HERC4: variants seen among roughly 807,000 people sequenced by gnomAD.
HERC4 encodes the protein probable E3 ubiquitin-protein ligase HERC4.
HERC4 carries 28 observed loss-of-function variants against 124.3 expected under a neutral mutation model. The ratio of observed to expected loss-of-function variants is 0.23; its 90% CI spans 0.17 to 0.31. HERC4 has a LOEUF of 0.31. HERC4 is among the 10% of genes least tolerant of loss of function. The probability of loss-of-function intolerance (pLI) is 1.00; values close to 1 mark genes in which losing one functional copy is unlikely to be tolerated. For synonymous variants in HERC4, 407 were observed against 421.5 expected, an observed-to-expected ratio of 0.97 and a Z score of 0.42; for missense variants, 713 against 1,229.3, an observed-to-expected ratio of 0.58 and a Z score of 6.28.
chr10:67,995,541 G>T (rs973522790), intron 9 of HERC4, among the ~76,000 whole-genome samples: 1 of 141,136 alleles, frequency 7.1e-6, no homozygotes, highest in African/African-American at 2.6e-5. Context: ...TTTATTTATT[G>T]TTTGTCTTAT....
intron 16 of HERC4, chr10:67,960,729 A>C (rs1480954829): frequency 5.7e-6 from 1 of 176,214 alleles, no homozygotes; most frequent in Non-Finnish European, 1.2e-5. Flanking sequence ...GTCCACATCC[A>C]TCAGCTCATA....
rs1015422276 is a variant in HERC4 at position 67,922,227 on chromosome 10, A to G, written c.*704T>C. The stretch of plus-strand genomic sequence containing the variant: ...AGAGTTCTTCCAGTACTAAATATTA[A>G]TAAGTTCTCTGATCGACAATCCCCC... On this transcript the variant is annotated 3_prime_UTR_variant, in exon 25 of 25. Coordinates refer to ENST00000373700, the MANE Select transcript of HERC4 (RefSeq NM_015601.4). 4.6e-5 allele frequency: 7 copies of G among 152,306 alleles called. No individual in the cohort carries two copies. Among genetic ancestry groups the G allele is most frequent in the Non-Finnish European group, 8.8e-5 (6 of 68,002 alleles). 9.4% of individuals were successfully genotyped at this position (152,306 alleles called of 1,614,324 possible).
At chr10:67,936,109 A>G in intron 22 of HERC4, 44 bp downstream of exon 22, 1 of 1,254,736 alleles carries the variant, frequency 8.0e-7, no homozygotes, top group Non-Finnish European at 1.1e-6. Context: ...GAAAATGTCT[A>G]CTGAATCTTA....
intron 5 of HERC4, among the ~76,000 whole-genome samples, chr10:68,036,828 T>C (rs1360735359): frequency 6.6e-6 from 1 of 152,186 alleles, no homozygotes; most frequent in African/African-American, 2.4e-5. Flanking sequence ...CTCCTTATTA[T>C]TACCAATTAT....
intron 9 of HERC4, among the ~76,000 whole-genome samples, chr10:68,005,860 C>T (rs186419915): frequency 8.6e-5 from 13 of 152,018 alleles, no homozygotes; most frequent in Admixed American, 7.2e-4. Context: ...TGCCATGATG[C>T]CAGGCTAATT....
chr10:68,015,112 T>C (rs1371449779), intron 8 of HERC4, among the ~76,000 whole-genome samples: 1 of 152,240 alleles, frequency 6.6e-6, no homozygotes, highest in Admixed American at 6.5e-5. Context: ...TAGCTTGCTT[T>C]GGCCAGCAGA....
chr10:67,959,201 T>G, intron 16 of HERC4: 1 of 1,421,646 alleles, frequency 7.0e-7, no homozygotes, highest in Admixed American at 2.1e-5. Flanking sequence ...CAAATTTAAC[T>G]ATTTCTATTC....
intron 16 of HERC4, among the ~76,000 whole-genome samples, chr10:67,960,446 T>C (rs1300639079): frequency 6.6e-6 from 1 of 152,060 alleles, no homozygotes; most frequent in African/African-American, 2.4e-5. Context: ...AGTGCAATGG[T>C]GCAATCTCGT....
intron 15 of HERC4, among the ~76,000 whole-genome samples, chr10:67,977,057 T>G (rs1240986338): frequency 1.3e-5 from 2 of 152,208 alleles, no homozygotes; most frequent in Non-Finnish European, 2.9e-5. Flanking sequence ...TGTGACCTAC[T>G]GAGACACCAG....
chr10:67,929,532 TTC>T lies in HERC4; in HGVS notation c.2838+3063_2838+3064del, dbSNP rs1006659430. On this transcript the variant is annotated intron_variant, in intron 23 of 24. Transcript: ENST00000373700. ...TTGCATGTATCAATAGTGCTTTTTT[TTC>T]TTTTTTGAGACAGGGTCTTGCTTTG... Among the ~76,000 whole-genome samples, 33 of 149,382 alleles carry T rather than the reference TTC, an allele frequency of 2.2e-4. 1 individual carries two copies. The highest frequency in any genetic ancestry group is 8.3e-4 in the African/African-American group (32 of 38,736).
At chr10:68,024,802 T>C (rs1272822067) in intron 8 of HERC4, among the ~76,000 whole-genome samples, 1 of 152,196 alleles carries the variant, frequency 6.6e-6, no homozygotes, top group Admixed American at 6.5e-5. Flanking sequence ...CTCAATTTAA[T>C]TCCCCCAAAG....
Position 68,034,068 on chromosome 10 carries a change from T to A in HERC4, c.582A>T (p.Gln194His). 6.2e-7 allele frequency: 1 copy of A among 1,614,142 alleles called. No individual in the cohort carries two copies. Among genetic ancestry groups the A allele is most frequent in the Non-Finnish European group, 8.5e-7 (1 of 1,180,024 alleles). The change falls in exon 6 of 25, where the codon CAA (glutamine) becomes CAT (histidine). Residue 194 changes from glutamine to histidine, a missense_variant. By Grantham distance (24) the Gln-to-His change is conservative (BLOSUM62 0). Transcript: ENST00000373700. ...LKSLLGIPFMQVAAGGAHSFV... is the reference protein window; with the variant it reads ...LKSLLGIPFMHVAAGGAHSFV... ...AACTATGGGCTCCTCCTGCTGCAAC[T>A]TGCATGAAAGGGATTCCAAGCAAAG...
At chr10:67,929,344 G>A (rs1165171753) in intron 23 of HERC4, among the ~76,000 whole-genome samples, 1 of 152,088 alleles carries the variant, frequency 6.6e-6, no homozygotes, top group African/African-American at 2.4e-5. Flanking sequence ...GATGCCTCTT[G>A]TGCTACCTCC....
chr10:67,953,492 A>T (rs1275529007), intron 19 of HERC4, among the ~76,000 whole-genome samples: 1 of 152,198 alleles, frequency 6.6e-6, no homozygotes, highest in Non-Finnish European at 1.5e-5. Context: ...GGTAGCAAGG[A>T]AGGTACCAAA....
At chr10:68,059,507 A>ATATC (rs1564607133) in intron 3 of HERC4, among the ~76,000 whole-genome samples, 1 of 121,330 alleles carries the variant, frequency 8.2e-6, no homozygotes, top group African/African-American at 3.0e-5. Flanking sequence ...TATATATTAT[A>ATATC]ATATTATATA....
chr10:68,018,014 A>G (rs1325713457), intron 8 of HERC4, among the ~76,000 whole-genome samples: 1 of 152,200 alleles, frequency 6.6e-6, no homozygotes, highest in Non-Finnish European at 1.5e-5. Flanking sequence ...AAACAAAGGT[A>G]CATTCCTCAA....
intron 9 of HERC4, among the ~76,000 whole-genome samples, chr10:67,998,225 A>T (rs553314878): frequency 6.6e-6 from 1 of 151,656 alleles, no homozygotes; most frequent in South Asian, 2.1e-4. Context: ...AAACCCCAAA[A>T]GTTCTCAATA....
Position 67,990,344 on chromosome 10 carries a change from A to C in HERC4, c.1500T>G (p.Asp500Glu). 6.2e-7 allele frequency: 1 copy of C among 1,612,374 alleles called. No individual in the cohort carries two copies. The highest frequency in any genetic ancestry group is 2.2e-5 in the East Asian group (1 of 44,790). ...TAAGATAAAACCTCAATGCTTCAAC[A>C]TCAGGTAAGGAGCTAGTCAGTTTAG... is the stretch of plus-strand genomic sequence containing the variant. ...LIPKLTSSLPDVEALRFYLTL... is the reference protein window; with the variant it reads ...LIPKLTSSLPEVEALRFYLTL... Residue 500 changes from aspartate to glutamate, a missense_variant, in exon 14 of 25, where the codon GAT (aspartate) becomes GAG (glutamate). Asp to Glu is a conservative substitution (Grantham distance 45). Transcript: ENST00000373700.
chr10:68,054,212 C>T (rs139811317), intron 3 of HERC4, among the ~76,000 whole-genome samples: 1 of 152,270 alleles, frequency 6.6e-6, no homozygotes, highest in East Asian at 1.9e-4. Flanking sequence ...TACTGTAGAG[C>T]TCCATTCTTA....
Sources: allele counts gnomAD v4.1 joint callset (sites outside exome capture counted in the v4.1 genomes callset), GRCh38; gene constraint gnomAD v4.1.1; transcripts MANE v1.5; gene names NCBI Gene and HGNC (gene_info 2026-07-23, HGNC 2026-07-21).